GUCA1C: variants seen among roughly 807,000 people sequenced by gnomAD.
The protein encoded by GUCA1C is guanylate cyclase activator 1C.
In GUCA1C, 15 loss-of-function variants were observed where a neutral mutation model predicts 16.2. The ratio of observed to expected loss-of-function variants is 0.93; its 90% confidence interval spans 0.62 to 1.43. The LOEUF is 1.43. GUCA1C is among the 40% of genes most tolerant of loss of function. The probability of loss-of-function intolerance (pLI) is 0.00; values close to 1 mark genes in which losing one functional copy is unlikely to be tolerated. For synonymous variants in GUCA1C, 78 were observed against 85.4 expected, an observed-to-expected ratio of 0.91 and a Z score of 0.48; for missense variants, 275 against 244.8, an observed-to-expected ratio of 1.12 and a Z score of -0.82.
chr3:108,937,248 G>A (rs889250892), intron 1 of GUCA1C, among the ~76,000 whole-genome samples: 5 of 152,098 alleles, frequency 3.3e-5, no homozygotes, highest in South Asian at 2.1e-4. Context: ...AGGGGGCCTC[G>A]TAGCTGCATT....
chr3:108,914,410 C>G (rs889331460), intron 3 of GUCA1C, among the ~76,000 whole-genome samples: 1 of 152,188 alleles, frequency 6.6e-6, no homozygotes, highest in Non-Finnish European at 1.5e-5. Context: ...CTCGAATACA[C>G]TATCTGTGTC....
intron 1 of GUCA1C, among the ~76,000 whole-genome samples, chr3:108,926,998 C>T (rs1946628933): frequency 6.6e-6 from 1 of 152,128 alleles, no homozygotes; most frequent in African/African-American, 2.4e-5. Flanking sequence ...AGCTCGGTTT[C>T]ACTGGATACA....
chr3:108,953,332 A>C (rs1946914824), intron 1 of GUCA1C, among the ~76,000 whole-genome samples: 1 of 152,192 alleles, frequency 6.6e-6, no homozygotes, highest in Non-Finnish European at 1.5e-5. Flanking sequence ...CCCTACATGC[A>C]GAACACTTCC....
At chr3:108,920,361 T>TTACC in intron 2 of GUCA1C, 75 bp downstream of exon 2, 1 of 1,088,994 alleles carries the variant, frequency 9.2e-7, no homozygotes, top group African/African-American at 1.6e-5. Flanking sequence ...TAGACAGCTG[T>TTACC]TACCTACTCC....
intron 1 of GUCA1C, among the ~76,000 whole-genome samples, chr3:108,945,443 A>C (rs1946834938): frequency 6.6e-6 from 1 of 152,158 alleles, no homozygotes. Context: ...CATCATGGAG[A>C]CTTTATATTT....
chr3:108,914,619 C>T (rs981981205), intron 3 of GUCA1C, among the ~76,000 whole-genome samples: 3 of 152,174 alleles, frequency 2.0e-5, no homozygotes, highest in Non-Finnish European at 4.4e-5. Context: ...CATCTACTTC[C>T]GGAGTACTCA....
intron 1 of GUCA1C, among the ~76,000 whole-genome samples, chr3:108,931,300 T>C (rs1434079821): frequency 6.6e-6 from 1 of 152,250 alleles, no homozygotes; most frequent in Admixed American, 6.5e-5. Context: ...TGATATTTTA[T>C]TTTTAGGTAC....
At chr3:108,920,395 TA>T (rs1412693249) in intron 2 of GUCA1C, 40 bp downstream of exon 2, 9 of 1,527,592 alleles carry the variant, frequency 5.9e-6, no homozygotes, top group Non-Finnish European at 8.1e-6. Flanking sequence ...TTGGGTTAAC[TA>T]TATAGCGGCC....
chr3:108,924,656 G>T (rs753918858), intron 1 of GUCA1C, among the ~76,000 whole-genome samples: 9 of 152,088 alleles, frequency 5.9e-5, no homozygotes, highest in Non-Finnish European at 1.2e-4. Flanking sequence ...TGGCTTAATA[G>T]AAGGATTTAG....
intron 1 of GUCA1C, among the ~76,000 whole-genome samples, chr3:108,948,157 CCCA>C (rs1420907669): frequency 1.3e-5 from 2 of 152,088 alleles, no homozygotes; most frequent in Admixed American, 6.6e-5. Context: ...GCTCTGTGTC[CCCA>C]CCCAAATCTC....
chr3:108,938,444 A>G (rs1243002722), intron 1 of GUCA1C, among the ~76,000 whole-genome samples: 1 of 152,212 alleles, frequency 6.6e-6, no homozygotes, highest in Non-Finnish European at 1.5e-5. Context: ...TAGCATAAGC[A>G]CATTACACAA....
intron 1 of GUCA1C, among the ~76,000 whole-genome samples, chr3:108,946,529 GC>G (rs1299351901): frequency 6.6e-6 from 1 of 152,102 alleles, no homozygotes; most frequent in Non-Finnish European, 1.5e-5. Flanking sequence ...ATTGTAATCA[GC>G]CTGACACCAC....
chr3:108,915,898 C>T (rs1946504716), intron 3 of GUCA1C: 1 of 541,136 alleles, frequency 1.8e-6, no homozygotes, highest in Non-Finnish European at 3.2e-6. Flanking sequence ...CTCACCTTTA[C>T]TCTTTATATA....
intron 2 of GUCA1C, among the ~76,000 whole-genome samples, chr3:108,916,660 C>G (rs1946520826): frequency 6.6e-6 from 1 of 152,192 alleles, no homozygotes; most frequent in South Asian, 2.1e-4. Context: ...GCTGGCACCC[C>G]TGGTTCTTTG....
chr3:108,939,616 C>T (rs764099086), intron 1 of GUCA1C, among the ~76,000 whole-genome samples: 12 of 150,080 alleles, frequency 8.0e-5, no homozygotes, highest in Middle Eastern at 3.4e-3. Context: ...CATGAGCCAC[C>T]GCGCCCGGCC....
intron 1 of GUCA1C, among the ~76,000 whole-genome samples, chr3:108,946,616 T>G (rs1453269581): frequency 1.3e-5 from 2 of 152,096 alleles, no homozygotes; most frequent in East Asian, 3.8e-4. Flanking sequence ...GCCAAACAAA[T>G]CTGAATCTAT....
Position 108,933,830 on chromosome 3 carries a change from G to T in GUCA1C, c.205-13245C>A, listed in dbSNP as rs551510901. On this transcript the variant is annotated intron_variant, in intron 1 of 3. Transcript: ENST00000261047. ...TTTGACCCAGCAATCCCATTACTGGGTATATACCCAAAGGATTATAAATCA... is the reference window on the plus strand; with the variant it reads ...TTTGACCCAGCAATCCCATTACTGGTTATATACCCAAAGGATTATAAATCA... Among the ~76,000 whole-genome samples, 395 of 152,196 alleles carry T rather than the reference G, an allele frequency of 2.6e-3. 4 individuals are homozygous for T. Among genetic ancestry groups the T allele is most frequent in the African/African-American group, 9.1e-3 (378 of 41,512 alleles).
chr3:108,913,912 A>C (rs1193516461), intron 3 of GUCA1C, among the ~76,000 whole-genome samples: 1 of 151,994 alleles, frequency 6.6e-6, no homozygotes, highest in Non-Finnish European at 1.5e-5. Flanking sequence ...CTAAAAATAC[A>C]AAAATTAGCT....
chr3:108,910,190 G>T (rs183573901), intron 3 of GUCA1C, among the ~76,000 whole-genome samples: 349 of 152,276 alleles, frequency 2.3e-3, no homozygotes, highest in African/African-American at 8.1e-3. Context: ...AGGTCCAGAA[G>T]CTTCCCACTA....
Sources: gnomAD v4.1 joint callset for allele counts (sites outside exome capture counted in the v4.1 genomes callset) on GRCh38, gnomAD v4.1.1 for gene constraint, MANE v1.5 for transcripts, NCBI Gene and HGNC (gene_info 2026-07-23, HGNC 2026-07-21) for gene names.